Variants in RMDN2 observed in about 807,000 individuals in gnomAD.
The protein encoded by RMDN2 is regulator of microtubule dynamics protein 2.
In RMDN2, 61 loss-of-function variants were observed where a neutral mutation model predicts 52.8. The ratio of observed to expected loss-of-function variants is 1.16; its 90% CI spans 0.94 to 1.43. The LOEUF (loss-of-function observed/expected upper bound fraction) is 1.43, where lower values mean the gene tolerates loss of function less well. Ranked by LOEUF, RMDN2 falls within the 40% of genes most tolerant of loss-of-function variation. The pLI, the probability that RMDN2 is intolerant of heterozygous loss-of-function variation, is 0.00. For synonymous variants in RMDN2, 180 were observed against 153.1 expected (o/e 1.18, Z -1.30); for missense variants, 592 against 475.3 (o/e 1.25, Z -2.28).
chr2:37,961,445 C>A (rs758667899), intron 2 of RMDN2, among the ~76,000 whole-genome samples: 3 of 151,836 alleles, frequency 2.0e-5, no homozygotes, highest in African/African-American at 7.2e-5. Flanking sequence ...AGTTAATCTG[C>A]AATCTCTGTT....
At chr2:37,989,966 G>A (rs1209961046) in intron 6 of RMDN2, among the ~76,000 whole-genome samples, 2 of 151,482 alleles carry the variant, frequency 1.3e-5, no homozygotes, top group Non-Finnish European at 2.9e-5. Context: ...ACACTGTGAA[G>A]CCCCATCTCT....
upstream of RMDN2, among the ~76,000 whole-genome samples, chr2:37,920,986 T>C (rs1214017230): frequency 3.3e-5 from 5 of 152,230 alleles, no homozygotes; most frequent in Non-Finnish European, 7.3e-5. Context: ...ATGACTTTTT[T>C]CATGGAACAA....
chr2:37,942,682 T>C (rs1260762208), intron 2 of RMDN2, among the ~76,000 whole-genome samples: 22 of 152,160 alleles, frequency 1.4e-4, no homozygotes, highest in Non-Finnish European at 1.5e-5. Context: ...GATCAAACTT[T>C]TCATCATTCA....
chr2:38,012,714 T>C, intron 10 of RMDN2: 1 of 395,714 alleles, frequency 2.5e-6, no homozygotes. Context: ...TTATATGTAA[T>C]ACCCCTCCAT....
intron 10 of RMDN2, among the ~76,000 whole-genome samples, chr2:38,058,803 C>T (rs1198235012): frequency 2.0e-5 from 3 of 152,152 alleles, no homozygotes; most frequent in African/African-American, 2.4e-5. Flanking sequence ...GATGTTGGCT[C>T]CTCTGCCTAT....
chr2:37,965,289 A>G (rs1416326417), intron 2 of RMDN2, among the ~76,000 whole-genome samples: 1 of 149,822 alleles, frequency 6.7e-6, no homozygotes, highest in Non-Finnish European at 1.5e-5. Context: ...TATATGCCAT[A>G]GATTTTTTTG....
chr2:38,062,690 A>G (rs1233177191), intron 10 of RMDN2, among the ~76,000 whole-genome samples: 2 of 152,100 alleles, frequency 1.3e-5, no homozygotes, highest in African/African-American at 4.8e-5. Flanking sequence ...ATATGTATAC[A>G]TGTACCATGT....
intron 10 of RMDN2, among the ~76,000 whole-genome samples, chr2:38,009,727 G>A (rs539989872): frequency 1.4e-4 from 22 of 152,224 alleles, no homozygotes; most frequent in African/African-American, 3.1e-4. Flanking sequence ...GTCATTCTCC[G>A]TCCAGCTTTG....
Position 38,011,566 on chromosome 2 carries a change from C to G in RMDN2, c.1180-5620C>G, listed in dbSNP as rs1321515617. Among the ~76,000 whole-genome samples, 7 of 152,100 alleles carry G rather than the reference C, an allele frequency of 4.6e-5. No individual in the cohort carries two copies. The East Asian group carries it at 1.4e-3, about 29-fold the overall frequency. The stretch of plus-strand genomic sequence containing the variant: ...CTGAACTATAAACAAATAAGACACA[C>G]CTGTTGCCTTCTAGGAGCCTATAGC... On this transcript the variant is annotated intron_variant, in intron 10 of 10. Transcript: ENST00000354545.
chr2:38,027,873 T>G (rs1381420009), intron 10 of RMDN2, among the ~76,000 whole-genome samples: 2 of 152,216 alleles, frequency 1.3e-5, no homozygotes, highest in African/African-American at 4.8e-5. Context: ...AAGCCCTAAT[T>G]GGACTGCCAC....
chr2:38,002,483 CTG>C (rs1160231407), intron 8 of RMDN2, among the ~76,000 whole-genome samples: 1 of 147,328 alleles, frequency 6.8e-6, no homozygotes, highest in Non-Finnish European at 1.5e-5. Flanking sequence ...GAAAAAAAGT[CTG>C]GAGCCAATAT....
intron 10 of RMDN2, among the ~76,000 whole-genome samples, chr2:38,006,467 T>C (rs1677103188): frequency 6.6e-6 from 1 of 152,210 alleles, no homozygotes; most frequent in Non-Finnish European, 1.5e-5. Flanking sequence ...TTTGAAGCAA[T>C]TGTGAATGGG....
At chr2:37,952,254 C>A (rs1425869486) in intron 2 of RMDN2, 1 of 1,552,666 alleles carries the variant, frequency 6.4e-7, no homozygotes, top group Admixed American at 1.8e-5. Context: ...AGTTTTCCCA[C>A]CAGTCACTTT....
At chr2:37,924,999 C>G (rs1227078244), upstream of RMDN2, among the ~76,000 whole-genome samples, 1 of 152,138 alleles carries the variant, frequency 6.6e-6, no homozygotes, top group African/African-American at 2.4e-5. Flanking sequence ...CGGAACGAAG[C>G]GAGCTGGCGG....
intron 10 of RMDN2, among the ~76,000 whole-genome samples, chr2:38,013,448 A>G (rs1411379640): frequency 6.6e-6 from 1 of 152,212 alleles, no homozygotes; most frequent in African/African-American, 2.4e-5. Flanking sequence ...CCACAAAAAG[A>G]AGTGTACTCT....
In RMDN2 at chr2:38,067,094, T is replaced by G. The variant is rs979686856; in HGVS notation, c.*104T>G. 4 of 1,089,402 alleles carry G rather than the reference T, an allele frequency of 3.7e-6. No individual in the cohort carries two copies. In the Admixed American group the frequency reaches 5.5e-5, roughly 15 times the overall value. The allele number at this position is 1,089,402 out of a possible 1,614,324, so 67.5% of individuals were successfully genotyped here. On this transcript the variant is annotated 3_prime_UTR_variant, in exon 11 of 11. Transcript: ENST00000234195. ...ACCTAGGCCCTGTGAAGTCAAGTATTTTTACCAAGTAAAAAGATTGGCAAT... is the reference window on the plus strand; with the variant it reads ...ACCTAGGCCCTGTGAAGTCAAGTATGTTTACCAAGTAAAAAGATTGGCAAT...
intron 2 of RMDN2, among the ~76,000 whole-genome samples, chr2:37,958,939 A>G (rs1036309822): frequency 6.6e-6 from 1 of 150,952 alleles, no homozygotes; most frequent in Non-Finnish European, 1.5e-5. Context: ...GATTCTGTTT[A>G]TGTGATGGAT....
intron 10 of RMDN2, chr2:38,012,759 A>G (rs974349247): frequency 6.6e-6 from 2 of 301,922 alleles, no homozygotes; most frequent in African/African-American, 2.2e-5. Flanking sequence ...AATATACCCC[A>G]TTAGTGATTT....
chr2:37,951,490 G>C, intron 2 of RMDN2: 1 of 1,612,060 alleles, frequency 6.2e-7, no homozygotes, highest in Non-Finnish European at 8.5e-7. Context: ...TCCCCTTACT[G>C]GCAACAAAGT....
Sources: allele counts gnomAD v4.1 joint callset (sites outside exome capture counted in the v4.1 genomes callset), GRCh38; gene constraint gnomAD v4.1.1; transcripts MANE v1.5; gene names NCBI Gene and HGNC (gene_info 2026-07-23, HGNC 2026-07-21).